RTKN2: variants seen among roughly 807,000 people sequenced by gnomAD.
RTKN2 encodes the protein rhotekin-2.
A neutral mutation model predicts 71.5 loss-of-function variants in RTKN2; 69 were observed. That is an observed-to-expected ratio of 0.96 (90% CI 0.79 to 1.18). RTKN2 has a LOEUF of 1.18. Among genes scored for constraint, RTKN2 ranks in the 50% most tolerant of loss-of-function variants. The probability of loss-of-function intolerance (pLI) is 0.00; values close to 1 mark genes in which losing one functional copy is unlikely to be tolerated. For synonymous variants in RTKN2, 236 were observed against 236.5 expected (o/e 1.00, Z 0.02); for missense variants, 724 against 719.7 (o/e 1.01, Z -0.07).
At chr10:62,238,808 C>T (rs932658704) in intron 5 of RTKN2, 5 of 151,752 alleles carry the variant, frequency 3.3e-5, no homozygotes, top group African/African-American at 1.2e-4. Flanking sequence ...CAAAACTAGG[C>T]CTCTAAAATC....
Position 62,193,693 on chromosome 10 carries a change from A to G in RTKN2, c.*4215T>C. 2 of 985,226 alleles carry G rather than the reference A, an allele frequency of 2.0e-6. No homozygotes were observed. The highest frequency in any genetic ancestry group is 4.7e-5 in the South Asian group (1 of 21,280). The allele number at this position is 985,226 out of a possible 1,614,324, so 61.0% of individuals were successfully genotyped here. On this transcript the variant is annotated 3_prime_UTR_variant, in exon 12 of 12. Transcript: ENST00000373789. ...TAAAATAAGGAGACTCCTTGTGGCT[A>G]GTAGCGACTGAATATCCTACGTACC...
Position 62,228,990 on chromosome 10 carries a change from GA to G in RTKN2, c.687-5659del, listed in dbSNP as rs537963627. ...AAAGTAGAAGACTATAGAAACAGTA[GA>G]ATTGCTCGGTCATACTGGGAACCCA... On this transcript the variant is annotated intron_variant, in intron 6 of 11. Transcript: ENST00000373789. Among the ~76,000 whole-genome samples, 42 of 152,302 alleles carry G rather than the reference GA, an allele frequency of 2.8e-4. No individual in the cohort carries two copies. The East Asian group carries it at 7.7e-3, about 28-fold the overall frequency.
At position 62,193,740 on chromosome 10, in the gene RTKN2, G is replaced by A; in HGVS notation, c.*4168C>T. ...TACCTAATTTACTGCAGTGGCTTAA[G>A]CTCTGGGGAAATTCTGGATCACTAA... On this transcript the variant is annotated 3_prime_UTR_variant, in exon 12 of 12. Transcript: ENST00000373789. 4.1e-6 allele frequency: 4 copies of A among 985,270 alleles called. No individual in the cohort carries two copies. The highest frequency in any genetic ancestry group is 4.8e-6 in the Non-Finnish European group (4 of 829,816). 61.0% of individuals were successfully genotyped at this position (985,270 alleles called of 1,614,324 possible).
intron 2 of RTKN2, among the ~76,000 whole-genome samples, chr10:62,250,830 G>A (rs1284566143): frequency 1.3e-5 from 2 of 151,996 alleles, no homozygotes; most frequent in Non-Finnish European, 2.9e-5. Context: ...AGTGTTATAC[G>A]ATGTTGCCCA....
Position 62,199,734 on chromosome 10 carries a change from A to AAAGGAC in RTKN2, c.1294+19_1294+20insGTCCTT. 2.0e-6 allele frequency: 3 copies of AAAGGAC among 1,466,012 alleles called. No homozygotes were observed. In the East Asian group the frequency reaches 6.8e-5, roughly 33 times the overall value. 90.8% of individuals were successfully genotyped at this position (1,466,012 alleles called of 1,614,324 possible). A position where few individuals can be genotyped will look rare whatever the true frequency, so the allele number is the denominator to read the frequency against. On this transcript the variant is annotated intron_variant, in intron 11 of 11. Transcript: ENST00000373789. ...TTGTTTTTGTTATCCTGCAGCTTAGAAAAGACAAACCCCACTTACTCATAT... is the reference window on the plus strand; with the variant it reads ...TTGTTTTTGTTATCCTGCAGCTTAGAAAGGACAAAGACAAACCCCACTTACTCATAT...
At chr10:62,184,405 T>G in intron 8 of RTKN2, 1 of 1,390,698 alleles carries the variant, frequency 7.2e-7, no homozygotes, top group Admixed American at 2.1e-5. Context: ...ACAAAAAAAA[T>G]CACCTTTAGT....
At position 62,217,235 on chromosome 10, in the gene RTKN2, A is replaced by G. The variant is rs751219187; in HGVS notation, c.903T>C (p.Gly301=). ...GFLNQQQMVE[G]LISWRRLYCV... is the part of the protein sequence containing the mutation. ...AATACAACCTTCTCCAACTAATCAG[A>G]CCTTCTACCATTTGCTGAAAAAAAA... The change falls in exon 9 of 12, where the codon GGT becomes GGC. Residue 301 remains glycine (G), a synonymous_variant. Coordinates refer to ENST00000373789, the MANE Select transcript of RTKN2 (RefSeq NM_145307.4). 6.5e-7 allele frequency: 1 copy of G among 1,539,694 alleles called. No homozygotes were observed. The highest frequency in any genetic ancestry group is 8.7e-7 in the Non-Finnish European group (1 of 1,151,524).
intron 9 of RTKN2, among the ~76,000 whole-genome samples, chr10:62,213,882 A>G (rs1050549579): frequency 3.3e-5 from 5 of 152,108 alleles, no homozygotes; most frequent in African/African-American, 9.7e-5. Context: ...TTAAAAGGAA[A>G]AATAATTATA....
Position 62,256,963 on chromosome 10 carries a change from A to T in RTKN2, c.257+5662T>A, listed in dbSNP as rs375726624. The stretch of plus-strand genomic sequence containing the variant: ...AAGAACATAAAAGAAGGTGACAAAA[A>T]AAAAAGTAACTGGTATATAATTAAC... On this transcript the variant is annotated intron_variant, in intron 2 of 11. Coordinates refer to ENST00000373789, the MANE Select transcript of RTKN2 (RefSeq NM_145307.4). Among the ~76,000 whole-genome samples the T allele has an allele frequency of 5.9e-5, 9 of 152,310 alleles. No homozygotes were observed. The South Asian group carries it at 1.9e-3, about 32-fold the overall frequency.
exon 9 of RTKN2, chr10:62,184,383 T>A: frequency 1.3e-6 from 2 of 1,536,346 alleles, no homozygotes; most frequent in Non-Finnish European, 1.8e-6. Context: ...TTGATTACTA[T>A]TATTCTGAAA....
chr10:62,236,358 A>T, intron 5 of RTKN2, 95 bp from the exon 6 acceptor site: 1 of 818,442 alleles, frequency 1.2e-6, no homozygotes, highest in South Asian at 1.8e-5. Context: ...TAAAATCAGC[A>T]TTTAACATCA....
chr10:62,268,094 G>A (rs771948471), intron 1 of RTKN2, among the ~76,000 whole-genome samples: 6 of 152,086 alleles, frequency 3.9e-5, no homozygotes, highest in Non-Finnish European at 7.4e-5. Flanking sequence ...ACTCCGCTCC[G>A]AACCCCCTCC....
At chr10:62,234,619 G>T (rs1304395942) in intron 6 of RTKN2, among the ~76,000 whole-genome samples, 1 of 152,086 alleles carries the variant, frequency 6.6e-6, no homozygotes, top group Non-Finnish European at 1.5e-5. Context: ...GTAAACGGAA[G>T]AATCAGGCAT....
chr10:62,218,043 C>A, intron 8 of RTKN2, 152 bp downstream of exon 8: 1 of 541,300 alleles, frequency 1.8e-6, no homozygotes, highest in East Asian at 3.0e-5. Flanking sequence ...ACCCCGCACC[C>A]CCTACAGTTT....
At position 62,262,823 on chromosome 10, in the gene RTKN2, T is replaced by TAA. The variant is rs750319818; in HGVS notation, c.61-4_61-3dup. The TAA allele has an allele frequency of 2.9e-6, 4 of 1,386,214 alleles. No individual in the cohort carries two copies. The highest frequency in any genetic ancestry group is 3.9e-6 in the Non-Finnish European group (4 of 1,022,854). 85.9% of individuals were successfully genotyped at this position (1,386,214 alleles called of 1,614,324 possible). A position where few individuals can be genotyped will look rare whatever the true frequency, so the allele number is the denominator to read the frequency against. On this transcript the variant is annotated splice_polypyrimidine_tract_variant and splice_region_variant and intron_variant, in intron 1 of 11. Coordinates refer to ENST00000373789, the MANE Select transcript of RTKN2 (RefSeq NM_145307.4). ...TATTTTTTCTTGAATGTTGCAGTCC[T>TAA]AAAAAAAAAATGCATCTTGAAAATA...
chr10:62,203,032 T>C (rs1252734050), intron 10 of RTKN2, among the ~76,000 whole-genome samples: 1 of 152,050 alleles, frequency 6.6e-6, no homozygotes, highest in East Asian at 1.9e-4. Context: ...TGGTGGCACA[T>C]GCCTGTAATC....
chr10:62,216,005 T>TA (rs1403813844), intron 9 of RTKN2, among the ~76,000 whole-genome samples: 1 of 151,984 alleles, frequency 6.6e-6, no homozygotes, highest in Non-Finnish European at 1.5e-5. Context: ...ACAAAACAGT[T>TA]AAATTAGGTG....
intron 11 of RTKN2, 103 bp downstream of exon 11, chr10:62,199,651 C>T: frequency 3.3e-6 from 2 of 601,300 alleles, no homozygotes; most frequent in Non-Finnish European, 6.0e-6. Flanking sequence ...TTTGATTGTG[C>T]CCTGAAAATT....
At chr10:62,267,005 T>C (rs572409237) in intron 1 of RTKN2, among the ~76,000 whole-genome samples, 1 of 152,210 alleles carries the variant, frequency 6.6e-6, no homozygotes, top group Non-Finnish European at 1.5e-5. Flanking sequence ...TCAAAATCTT[T>C]GGCCTTATCT....
Sources: gnomAD v4.1 joint callset for allele counts (sites outside exome capture counted in the v4.1 genomes callset) on GRCh38, gnomAD v4.1.1 for gene constraint, MANE v1.5 for transcripts, NCBI Gene and HGNC (gene_info 2026-07-23, HGNC 2026-07-21) for gene names.